Variants in IFT140 observed in about 807,000 individuals in gnomAD.
The protein encoded by IFT140 is intraflagellar transport protein 140 homolog.
IFT140 carries 133 observed loss-of-function variants against 164.6 expected under a neutral mutation model. That is an observed-to-expected ratio of 0.81 (90% CI 0.70 to 0.93). The LOEUF (loss-of-function observed/expected upper bound fraction) is 0.93, where lower values mean the gene tolerates loss of function less well. Among genes scored for constraint, IFT140 ranks in the 40% least tolerant of loss-of-function variants. IFT140 has a pLI of 0.00. For synonymous variants in IFT140, 860 were observed against 817.3 expected, an observed-to-expected ratio of 1.05 and a Z score of -0.89; for missense variants, 2,045 against 1,972.3, an observed-to-expected ratio of 1.04 and a Z score of -0.70.
In IFT140 at chr16:1,529,168, G is replaced by A. The variant is rs753746662; in HGVS notation, c.2400-2372C>T. On this transcript the variant is annotated intron_variant, in intron 19 of 30. Transcript: ENST00000426508. ...ATGTACTCGGGTGAATTCCACGGAC[G>A]CATTCCACCACCCAGGGACGCAGGG... 3.9e-4 allele frequency among the ~76,000 whole-genome samples: 59 copies of A among 152,312 alleles called. No individual in the cohort carries two copies. The Middle Eastern group carries it at 0.01, about 26-fold the overall frequency.
chr16:1,582,416 T>G (rs1442873283), intron 12 of IFT140, among the ~76,000 whole-genome samples: 1 of 152,212 alleles, frequency 6.6e-6, no homozygotes, highest in Non-Finnish European at 1.5e-5. Context: ...CCCCTGGGGC[T>G]GCAGAGGAAG....
In IFT140 at chr16:1,592,561, C is replaced by A; in HGVS notation, c.397G>T (p.Asp133Tyr). ...GTCCCTTGCACTCGGCCCCTTTGGT[C>A]CAACCTCCACAAGAGCAAGACACCA... is the stretch of plus-strand genomic sequence containing the variant. ...RLGVLLLWRL[D>Y]QRGRVQGTPL... The change falls in exon 5 of 31, where the codon GAC becomes TAC. Residue 133 changes from aspartate (D) to tyrosine (Y), a missense_variant. Asp to Tyr is a radical substitution (Grantham distance 160). Transcript: ENST00000426508. The A allele has an allele frequency of 6.2e-7, 1 of 1,614,200 alleles. No homozygotes were observed. The highest frequency in any genetic ancestry group is 8.5e-7 in the Non-Finnish European group (1 of 1,180,042).
chr16:1,550,796 C>T (rs931903777), intron 19 of IFT140, among the ~76,000 whole-genome samples: 20 of 152,364 alleles, frequency 1.3e-4, no homozygotes, highest in African/African-American at 4.1e-4. Context: ...TTCCCCATCT[C>T]TCTAAGAGGA....
In IFT140 at chr16:1,600,386, C is replaced by T. The variant is rs545578370; in HGVS notation, c.369+1984G>A. Among the ~76,000 whole-genome samples, 165 of 145,004 alleles carry T rather than the reference C, an allele frequency of 1.1e-3. 2 individuals carry two copies. Among genetic ancestry groups the T allele is most frequent in the Non-Finnish European group, 2.3e-4 (15 of 66,430 alleles). On this transcript the variant is annotated intron_variant, in intron 4 of 30. Coordinates refer to ENST00000426508, the MANE Select transcript of IFT140 (RefSeq NM_014714.4). ...TCACTTGTTTATCTGCTGACCTTCC[C>T]TCCACTATTGTCCCATGACCCTGCC... is the stretch of plus-strand genomic sequence containing the variant.
rs1158750538 is a variant in IFT140, at chr16:1,592,288, C to G, written c.522G>C (p.Val174=). 1 of 1,614,210 alleles carries G rather than the reference C, an allele frequency of 6.2e-7. No individual in the cohort carries two copies. Among genetic ancestry groups the G allele is most frequent in the South Asian group, 1.1e-5 (1 of 91,080 alleles). The part of the protein sequence containing the change: ...EDLVQLAKAA[V]SGDEKALDMF... ...TGTCCAGGGCTTTCTCATCACCGCTCACAGCTGCCTTTGCCAACTGAACCA... is the reference window on the plus strand; with the variant it reads ...TGTCCAGGGCTTTCTCATCACCGCTGACAGCTGCCTTTGCCAACTGAACCA... The change falls in exon 6 of 31, where the codon GTG becomes GTC. Residue 174 remains valine (V), a synonymous_variant. Transcript: ENST00000426508.
chr16:1,569,849 A>G (rs1175300065), intron 14 of IFT140, among the ~76,000 whole-genome samples: 2 of 151,310 alleles, frequency 1.3e-5, no homozygotes, highest in Non-Finnish European at 2.9e-5. Context: ...TGGCCTCCCA[A>G]TGTGCTGGGA....
chr16:1,566,669 C>T (rs2033735264), intron 15 of IFT140, among the ~76,000 whole-genome samples: 1 of 152,178 alleles, frequency 6.6e-6, no homozygotes, highest in African/African-American at 2.4e-5. Context: ...CTGCTTCCTT[C>T]TGCCATGGTC....
chr16:1,558,657 G>A (rs1452435489), intron 18 of IFT140, among the ~76,000 whole-genome samples: 2 of 152,280 alleles, frequency 1.3e-5, no homozygotes, highest in Non-Finnish European at 2.9e-5. Context: ...GGCCCTCCAC[G>A]AGCCCCTCCA....
At chr16:1,534,171 GGT>G in intron 19 of IFT140, 2 of 1,453,044 alleles carry the variant, frequency 1.4e-6, no homozygotes, top group Non-Finnish European at 1.8e-6. Flanking sequence ...GAGGATGAGT[GGT>G]GATGTCCTCT....
At chr16:1,549,492 A>G (rs2032458224) in intron 19 of IFT140, among the ~76,000 whole-genome samples, 2 of 152,126 alleles carry the variant, frequency 1.3e-5, no homozygotes, top group Non-Finnish European at 2.9e-5. Context: ...AATGGCGTGC[A>G]ATCTCGGCTC....
intron 19 of IFT140, among the ~76,000 whole-genome samples, chr16:1,552,253 C>A (rs943055122): frequency 2.6e-5 from 4 of 152,160 alleles, no homozygotes. Context: ...AACCTCCTCC[C>A]GCCCTCGAGG....
At chr16:1,521,592 C>A in intron 26 of IFT140, among the ~76,000 whole-genome samples, 1 of 151,290 alleles carries the variant, frequency 6.6e-6, no homozygotes, top group East Asian at 2.0e-4. Flanking sequence ...GGGTTTCTCC[C>A]TGTTGGTCAG....
intron 19 of IFT140, chr16:1,557,634 G>A: frequency 2.9e-6 from 1 of 342,108 alleles, no homozygotes; most frequent in East Asian, 5.6e-5. Flanking sequence ...CCAAACTTCT[G>A]TTTAGGAGCA....
intron 4 of IFT140, among the ~76,000 whole-genome samples, chr16:1,594,628 G>A (rs1193315849): frequency 6.6e-6 from 1 of 152,236 alleles, no homozygotes; most frequent in Non-Finnish European, 1.5e-5. Flanking sequence ...TTGGTGCGCT[G>A]CGTGCTCAAT....
intron 4 of IFT140, among the ~76,000 whole-genome samples, chr16:1,601,178 C>G (rs903481764): frequency 3.3e-5 from 5 of 151,216 alleles, no homozygotes; most frequent in Non-Finnish European, 7.4e-5. Context: ...GAGAGAGAAT[C>G]GCTTGAACTC....
intron 13 of IFT140, among the ~76,000 whole-genome samples, chr16:1,571,993 G>A (rs767852341): frequency 2.0e-5 from 3 of 152,176 alleles, no homozygotes; most frequent in Non-Finnish European, 2.9e-5. Context: ...TACTTGTTAC[G>A]TTGTGTCACG....
At chr16:1,521,487 C>G (rs1596299522) in intron 26 of IFT140, among the ~76,000 whole-genome samples, 1 of 152,120 alleles carries the variant, frequency 6.6e-6, no homozygotes, top group Admixed American at 6.5e-5. Context: ...CTCCCGGGTT[C>G]AAGCCATTCT....
chr16:1,547,949 T>TCA (rs2032310043), intron 19 of IFT140, among the ~76,000 whole-genome samples: 2 of 152,200 alleles, frequency 1.3e-5, no homozygotes, highest in Non-Finnish European at 2.9e-5. Flanking sequence ...AGTGCTAGGA[T>TCA]GAAGGTGTGG....
At chr16:1,524,301 C>T (rs2040608690) in intron 24 of IFT140, 5 of 623,086 alleles carry the variant, frequency 8.0e-6, no homozygotes, top group Non-Finnish European at 1.4e-5. Flanking sequence ...AGCAGCCTCA[C>T]CACCCACTCA....
Sources: gnomAD v4.1 joint callset for allele counts (sites outside exome capture counted in the v4.1 genomes callset) on GRCh38, gnomAD v4.1.1 for gene constraint, MANE v1.5 for transcripts, NCBI Gene and HGNC (gene_info 2026-07-23, HGNC 2026-07-21) for gene names.